PPP2R2A: variants seen among roughly 807,000 people sequenced by gnomAD.
PPP2R2A encodes serine/threonine-protein phosphatase 2A 55 kDa regulatory subunit B alpha isoform.
Under a neutral mutation model 53.2 loss-of-function variants are expected in PPP2R2A, and 9 were observed. The observed-to-expected ratio is 0.17, with a 90% CI of 0.10 to 0.30. The LOEUF is 0.30. PPP2R2A is among the 10% of genes least tolerant of loss of function. The probability of loss-of-function intolerance (pLI) is 1.00; values close to 1 mark genes in which losing one functional copy is unlikely to be tolerated. For synonymous variants in PPP2R2A, 169 were observed against 174.2 expected (o/e 0.97, Z 0.23); for missense variants, 235 against 534.6 (o/e 0.44, Z 5.53).
At position 26,370,761 on chromosome 8, in the gene PPP2R2A, T is replaced by A. The variant is rs1253560903; in HGVS notation, c.*348T>A. ...CGTCAAACACAGTGAAAGCCTTCAG[T>A]CATGCTATGGGATTTAATTGTGTAT... is the stretch of plus-strand genomic sequence containing the variant. On this transcript the variant is annotated 3_prime_UTR_variant, in exon 10 of 10. Coordinates refer to ENST00000380737, the MANE Select transcript of PPP2R2A (RefSeq NM_002717.4). The surrounding 1 kb of genome is among the most constrained non-coding windows in gnomAD (Gnocchi z 6.1). 1.0e-5 allele frequency: 3 copies of A among 291,020 alleles called. No homozygotes were observed. The highest frequency in any genetic ancestry group is 8.3e-5 in the South Asian group (2 of 24,166). 18.0% of individuals were successfully genotyped at this position (291,020 alleles called of 1,614,324 possible). A position where few individuals can be genotyped will look rare whatever the true frequency, so the allele number is the denominator to read the frequency against.
At chr8:26,322,398 G>C (rs747881473) in intron 2 of PPP2R2A, among the ~76,000 whole-genome samples, 2 of 152,208 alleles carry the variant, frequency 1.3e-5, no homozygotes, top group Admixed American at 6.5e-5. Context: ...AGACAGTGCA[G>C]AATAGAACAT....
At chr8:26,352,605 CATT>C (rs1208539922) in intron 3 of PPP2R2A, among the ~76,000 whole-genome samples, 9 of 152,186 alleles carry the variant, frequency 5.9e-5, no homozygotes, top group Admixed American at 5.2e-4. Context: ...TTTTGTGATA[CATT>C]AATTTATTTC....
At position 26,296,647 on chromosome 8, in the gene PPP2R2A, G is replaced by C. The variant is rs751034637; in HGVS notation, c.82+2907G>C. The stretch of plus-strand genomic sequence containing the variant: ...TTTAGTGTAGGACTGATTTATCTTC[G>C]TACCTTATGCAGGCATGAAGCTGCT... On this transcript the variant is annotated intron_variant, in intron 2 of 9. Transcript: ENST00000380737. Among the ~76,000 whole-genome samples the C allele has an allele frequency of 4.5e-4, 69 of 152,230 alleles. No homozygotes were observed. In the Middle Eastern group the frequency reaches 0.014, roughly 30 times the overall value.
intron 1 of PPP2R2A, 170 bp from the exon 2 acceptor site, chr8:26,293,496 T>A: frequency 2.8e-6 from 2 of 704,102 alleles, no homozygotes; most frequent in Non-Finnish European, 4.7e-6. Context: ...TCTAATGCAG[T>A]ACCAAGTATT....
chr8:26,297,506 A>G (rs1054944213), intron 2 of PPP2R2A, among the ~76,000 whole-genome samples: 2 of 152,172 alleles, frequency 1.3e-5, no homozygotes, highest in African/African-American at 2.4e-5. Flanking sequence ...TGCTAGTAAT[A>G]TATTTTACAT....
intron 1 of PPP2R2A, chr8:26,292,369 C>CT (rs1801340461): frequency 1.0e-6 from 1 of 985,852 alleles, no homozygotes; most frequent in Admixed American, 6.1e-5. Context: ...GACTGGAAGC[C>CT]TAAATTTTTT....
At chr8:26,303,861 C>T (rs1801897004) in intron 2 of PPP2R2A, among the ~76,000 whole-genome samples, 1 of 152,168 alleles carries the variant, frequency 6.6e-6, no homozygotes, top group Non-Finnish European at 1.5e-5. Flanking sequence ...TATGTGGAAT[C>T]CTTGGCAAGT....
chr8:26,293,467 C>T, intron 1 of PPP2R2A, 199 bp from the exon 2 acceptor site: 1 of 694,760 alleles, frequency 1.4e-6, no homozygotes, highest in East Asian at 2.8e-5. Context: ...TATTTCGTAC[C>T]TGGAATCTTT....
intron 3 of PPP2R2A, among the ~76,000 whole-genome samples, chr8:26,350,997 A>G (rs141047246): frequency 3.3e-4 from 50 of 149,972 alleles, no homozygotes; most frequent in African/African-American, 1.2e-3. Context: ...TTTAAAAAAC[A>G]AAACAAAACA....
chr8:26,333,513 G>A, intron 2 of PPP2R2A: 1 of 1,228,384 alleles, frequency 8.1e-7, no homozygotes, highest in Non-Finnish European at 1.1e-6. Flanking sequence ...TAGTCCTCAA[G>A]TGGAATTATG....
chr8:26,307,186 A>G (rs532802802), intron 2 of PPP2R2A, among the ~76,000 whole-genome samples: 1 of 152,332 alleles, frequency 6.6e-6, no homozygotes, highest in Admixed American at 6.5e-5. Flanking sequence ...GGTTGTACAC[A>G]TTTGGAATTT....
chr8:26,364,210 G>A (rs575535077), intron 8 of PPP2R2A, among the ~76,000 whole-genome samples: 11 of 152,152 alleles, frequency 7.2e-5, no homozygotes, highest in Non-Finnish European at 1.3e-4. Flanking sequence ...GTCTGGGCAG[G>A]AAGAGGATTG....
intron 2 of PPP2R2A, among the ~76,000 whole-genome samples, chr8:26,310,419 T>C (rs1197323763): frequency 1.3e-5 from 2 of 150,758 alleles, no homozygotes; most frequent in Non-Finnish European, 2.9e-5. Flanking sequence ...ACAGCAAATA[T>C]GTATTTTCAA....
chr8:26,301,568 C>T (rs760910359), intron 2 of PPP2R2A, among the ~76,000 whole-genome samples: 7 of 152,016 alleles, frequency 4.6e-5, no homozygotes, highest in South Asian at 2.1e-4. Context: ...TGATGGCGTT[C>T]GTTAGCTGAG....
At position 26,366,398 on chromosome 8, in the gene PPP2R2A, A is replaced by G; in HGVS notation, c.1056A>G (p.Gly352=). Reference sequence around the variant, plus strand: ...ACAAATTTGAATGTTGTTGGAATGGATCTGACAGGTAATTAAGTCAAACCT... The same window carrying G: ...ACAAATTTGAATGTTGTTGGAATGGGTCTGACAGGTAATTAAGTCAAACCT... ...IFDKFECCWN[G]SDSVVMTGSY... The change falls in exon 9 of 10, where the codon GGA becomes GGG. Residue 352 remains glycine (G), a synonymous_variant. Transcript: ENST00000380737. 1 of 1,586,220 alleles carries G rather than the reference A, an allele frequency of 6.3e-7. No individual in the cohort carries two copies. Among genetic ancestry groups the G allele is most frequent in the Admixed American group, 1.9e-5 (1 of 53,564 alleles).
At chr8:26,330,495 G>GT (rs1803314800) in intron 2 of PPP2R2A, among the ~76,000 whole-genome samples, 2 of 150,374 alleles carry the variant, frequency 1.3e-5, no homozygotes, top group Admixed American at 1.3e-4. Context: ...ACCTGGCTTA[G>GT]TTTTTTTGTT....
At chr8:26,320,135 C>T (rs1211535626) in intron 2 of PPP2R2A, among the ~76,000 whole-genome samples, 4 of 152,186 alleles carry the variant, frequency 2.6e-5, no homozygotes, top group African/African-American at 4.8e-5. Context: ...AGGCACTGTG[C>T]CTTACATGTG....
chr8:26,323,259 A>G (rs2117273264), intron 2 of PPP2R2A, among the ~76,000 whole-genome samples: 1 of 152,354 alleles, frequency 6.6e-6, no homozygotes, highest in South Asian at 2.1e-4. Context: ...GACTATGTAG[A>G]AAACACACAC....
chr8:26,293,646 G>A lies in PPP2R2A; in HGVS notation c.8-20G>A. 6.2e-7 allele frequency: 1 copy of A among 1,604,770 alleles called. No individual in the cohort carries two copies. Among genetic ancestry groups the A allele is most frequent in the Non-Finnish European group, 8.5e-7 (1 of 1,175,526 alleles). On this transcript the variant is annotated intron_variant, in intron 1 of 9. Transcript: ENST00000380737. ...ACATAAGCAGAACTCGGTTTTAATT[G>A]GTATGTTTTCTTTTTCCAGGAGCTG...
Sources: gnomAD v4.1 joint callset for allele counts (sites outside exome capture counted in the v4.1 genomes callset) on GRCh38, gnomAD v4.1.1 for gene constraint, Gnocchi (gnomAD v3.1) non-coding constraint, MANE v1.5 for transcripts, NCBI Gene and HGNC (gene_info 2026-07-23, HGNC 2026-07-21) for gene names.